The following PRKAR1B variants were observed in gnomAD, a reference collection of about 807,000 sequenced individuals.
The protein encoded by PRKAR1B is protein kinase cAMP-dependent type I regulatory subunit beta.
A neutral mutation model predicts 46.5 loss-of-function variants in PRKAR1B; 22 were observed. The observed-to-expected ratio is 0.47, with a 90% CI of 0.34 to 0.68. The LOEUF (loss-of-function observed/expected upper bound fraction) is 0.68. Among genes scored for constraint, PRKAR1B ranks in the 30% least tolerant of loss-of-function variants. PRKAR1B has a pLI of 0.01. For synonymous variants in PRKAR1B, 259 were observed against 217.7 expected, an observed-to-expected ratio of 1.19 and a Z score of -1.67; for missense variants, 445 against 535.6, an observed-to-expected ratio of 0.83 and a Z score of 1.67.
intron 4 of PRKAR1B, among the ~76,000 whole-genome samples, chr7:633,266 T>C (rs1583329838): frequency 6.6e-6 from 1 of 152,092 alleles, no homozygotes; most frequent in East Asian, 1.9e-4. Flanking sequence ...GGAGGGGCCG[T>C]GACTCCATGT....
intron 6 of PRKAR1B, among the ~76,000 whole-genome samples, chr7:597,549 A>G (rs1199325753): frequency 6.6e-6 from 1 of 152,206 alleles, no homozygotes; most frequent in Admixed American, 6.5e-5. Context: ...GAATCAGAAG[A>G]CGGCCGTCCT....
chr7:693,556 G>A (rs564662248), intron 2 of PRKAR1B, among the ~76,000 whole-genome samples: 8 of 152,300 alleles, frequency 5.3e-5, no homozygotes, highest in South Asian at 4.1e-4. Context: ...TCCCAGGTTC[G>A]TCCGCGCTGT....
rs567976994 is a variant in PRKAR1B, at chr7:687,748, G to A, written c.178-7022C>T. Among the ~76,000 whole-genome samples the A allele has an allele frequency of 6.2e-3, 940 of 152,272 alleles. 6 individuals are homozygous for A. Among genetic ancestry groups the A allele is most frequent in the Non-Finnish European group, 0.01 (708 of 68,028 alleles). On this transcript the variant is annotated intron_variant, in intron 2 of 10. Coordinates refer to ENST00000537384, the MANE Select transcript of PRKAR1B (RefSeq NM_001164760.2). ...CCCACACAGGATAAACCAGCATAGC[G>A]TGGTAAACCGCAGGAGCTAAAGACA...
intron 7 of PRKAR1B, among the ~76,000 whole-genome samples, chr7:591,980 C>A (rs768279213): frequency 6.6e-6 from 1 of 152,216 alleles, no homozygotes; most frequent in Non-Finnish European, 1.5e-5. Flanking sequence ...TGGAACCCAG[C>A]GTGACAGACC....
chr7:703,776 A>T (rs1351036406), intron 2 of PRKAR1B, among the ~76,000 whole-genome samples: 1 of 152,186 alleles, frequency 6.6e-6, no homozygotes, highest in Non-Finnish European at 1.5e-5. Flanking sequence ...CAGTGTTTCT[A>T]AGGGCACGTG....
chr7:636,960 T>A (rs565181173), intron 4 of PRKAR1B, among the ~76,000 whole-genome samples: 1 of 150,642 alleles, frequency 6.6e-6, no homozygotes, highest in Non-Finnish European at 1.5e-5. Flanking sequence ...GGGTGGGGAG[T>A]GCCGGGACAG....
At chr7:716,032 T>G (rs1401801499) in intron 1 of PRKAR1B, among the ~76,000 whole-genome samples, 2 of 135,852 alleles carry the variant, frequency 1.5e-5, no homozygotes, top group East Asian at 4.6e-4. Context: ...ATTCTTTATA[T>G]ATTTTTTTTT....
rs111314629 is a variant in PRKAR1B at position 717,743 on chromosome 7, G to A, written c.-22-6216C>T. On this transcript the variant is annotated intron_variant, in intron 1 of 10. Coordinates refer to ENST00000537384, the MANE Select transcript of PRKAR1B (RefSeq NM_001164760.2). ...GTAGGTAAGGGATGCAAAATTTCAC[G>A]GGAAATTTTGCCACAAACCTCAATA... Among the ~76,000 whole-genome samples, 528 of 152,152 alleles carry A rather than the reference G, an allele frequency of 3.5e-3. 6 individuals carry two copies. Among genetic ancestry groups the A allele is most frequent in the African/African-American group, 0.012 (512 of 41,532 alleles).
At chr7:563,851 A>C (rs1778971132) in intron 9 of PRKAR1B, among the ~76,000 whole-genome samples, 1 of 150,996 alleles carries the variant, frequency 6.6e-6, no homozygotes, top group Non-Finnish European at 1.5e-5. Context: ...GTGTGTGTGC[A>C]TGGGTTGTGG....
chr7:556,696 TG>T (rs968680655), intron 9 of PRKAR1B, among the ~76,000 whole-genome samples: 2 of 152,174 alleles, frequency 1.3e-5, no homozygotes, highest in Non-Finnish European at 2.9e-5. Context: ...TTGGTGCCTG[TG>T]GATCGGGAAC....
intron 4 of PRKAR1B, among the ~76,000 whole-genome samples, chr7:633,605 A>T (rs943101607): frequency 6.6e-6 from 1 of 152,042 alleles, no homozygotes; most frequent in African/African-American, 2.4e-5. Flanking sequence ...CTCTACAAAA[A>T]ATTTCAAAAT....
intron 9 of PRKAR1B, among the ~76,000 whole-genome samples, chr7:554,842 G>A (rs1228486520): frequency 2.6e-5 from 4 of 152,094 alleles, no homozygotes; most frequent in Non-Finnish European, 2.9e-5. Context: ...GACAGGGGAG[G>A]CCACGGATCC....
At position 605,580 on chromosome 7, in the gene PRKAR1B, G is replaced by A. The variant is rs1462986652; in HGVS notation, c.549+613C>T. Among the ~76,000 whole-genome samples, 5 of 152,296 alleles carry A rather than the reference G, an allele frequency of 3.3e-5. No homozygotes were observed. In the East Asian group the frequency reaches 9.6e-4, roughly 29 times the overall value. Reference sequence around the variant, plus strand: ...TATACATACACATACACATGGCCTGGCCATCGGGCACGAGACGGGGTCTCC... The same window carrying A: ...TATACATACACATACACATGGCCTGACCATCGGGCACGAGACGGGGTCTCC... On this transcript the variant is annotated intron_variant, in intron 6 of 10. Coordinates refer to ENST00000537384, the MANE Select transcript of PRKAR1B (RefSeq NM_001164760.2).
chr7:572,217 T>G (rs1261617473), intron 9 of PRKAR1B, among the ~76,000 whole-genome samples: 4 of 152,160 alleles, frequency 2.6e-5, no homozygotes, highest in Non-Finnish European at 5.9e-5. Context: ...TCCATCTCCA[T>G]GTCTGCAGCT....
intron 1 of PRKAR1B, among the ~76,000 whole-genome samples, chr7:717,681 A>G (rs567840987): frequency 1.5e-3 from 222 of 151,952 alleles, no homozygotes; most frequent in African/African-American, 5.1e-3. Context: ...CACACACACA[A>G]TGTTCTCTAA....
chr7:566,714 A>ATCACCT (rs1779196043), intron 9 of PRKAR1B, among the ~76,000 whole-genome samples: 2 of 42 alleles, frequency 0.048, no homozygotes, highest in African/African-American at 0.1. Flanking sequence ...CATCATCACC[A>ATCACCT]TCATCACCAT....
intron 2 of PRKAR1B, among the ~76,000 whole-genome samples, chr7:709,311 G>A (rs769993463): frequency 6.6e-6 from 1 of 150,890 alleles, no homozygotes; most frequent in Non-Finnish European, 1.5e-5. Flanking sequence ...ATGTATCCAC[G>A]TATGCATGTA....
intron 4 of PRKAR1B, among the ~76,000 whole-genome samples, chr7:655,173 G>C (rs1785131638): frequency 6.6e-6 from 1 of 152,126 alleles, no homozygotes; most frequent in African/African-American, 2.4e-5. Context: ...AAACATGTAA[G>C]AGCCGACATG....
chr7:704,526 AG>A (rs1448932381), intron 2 of PRKAR1B, among the ~76,000 whole-genome samples: 3 of 152,246 alleles, frequency 2.0e-5, no homozygotes, highest in Non-Finnish European at 4.4e-5. Flanking sequence ...CTGTAATCCC[AG>A]CGCTTTGGGA....
Sources: gnomAD v4.1 joint callset for allele counts (sites outside exome capture counted in the v4.1 genomes callset) on GRCh38, gnomAD v4.1.1 for gene constraint, MANE v1.5 for transcripts, NCBI Gene and HGNC (gene_info 2026-07-23, HGNC 2026-07-21) for gene names.